Variants in FAM168A observed in about 807,000 individuals in gnomAD.
The protein encoded by FAM168A is family with sequence similarity 168 member A, also known as protein FAM168A.
FAM168A carries 3 observed loss-of-function variants against 28.5 expected under a neutral mutation model. That is an observed-to-expected ratio of 0.11 (90% CI 0.05 to 0.27). The LOEUF is 0.27. Ranked by LOEUF, FAM168A falls within the 10% of genes least tolerant of loss-of-function variation. The probability of loss-of-function intolerance (pLI) is 1.00; values close to 1 mark genes in which losing one functional copy is unlikely to be tolerated. For missense variants in FAM168A, 222 were observed against 311.5 expected, an observed-to-expected ratio of 0.71 and a Z score of 2.16; for synonymous variants, 122 against 124.2, an observed-to-expected ratio of 0.98 and a Z score of 0.12.
intron 1 of FAM168A, among the ~76,000 whole-genome samples, chr11:73,563,311 T>C (rs574980127): frequency 6.6e-6 from 1 of 152,342 alleles, no homozygotes; most frequent in East Asian, 1.9e-4. Flanking sequence ...AACTATCCTC[T>C]GAGGACAATA....
chr11:73,511,941 G>C (rs1855234898), intron 1 of FAM168A, among the ~76,000 whole-genome samples: 1 of 152,090 alleles, frequency 6.6e-6, no homozygotes, highest in African/African-American at 2.4e-5. Context: ...TATAAAGTAT[G>C]ATCTAGCTAT....
At chr11:73,417,623 A>T (rs1866718561) in intron 4 of FAM168A, among the ~76,000 whole-genome samples, 1 of 147,280 alleles carries the variant, frequency 6.8e-6, no homozygotes, top group African/African-American at 2.5e-5. Context: ...GCAATGGCGC[A>T]ATCTCGGCTC....
intron 2 of FAM168A, among the ~76,000 whole-genome samples, chr11:73,447,256 T>C (rs11235756): frequency 0.03 from 4,507 of 152,166 alleles, 221 homozygotes; most frequent in African/African-American, 0.1. Context: ...ATTTCCAGTT[T>C]TCTCAAATAT....
rs546068689 is a variant in FAM168A, at chr11:73,522,170, T to C, written c.-18-53678A>G. 1.2e-4 allele frequency among the ~76,000 whole-genome samples: 17 copies of C among 146,984 alleles called. No homozygotes were observed. In the South Asian group the frequency reaches 3.5e-3, roughly 31 times the overall value. On this transcript the variant is annotated intron_variant, in intron 1 of 7. Transcript: ENST00000356467. ...TTTTAAATTGAAGAGCATGGATCTATGTAATTCCTATAAAGGGGTATCTCT... is the reference window on the plus strand; with the variant it reads ...TTTTAAATTGAAGAGCATGGATCTACGTAATTCCTATAAAGGGGTATCTCT...
At chr11:73,580,910 T>C (rs1439465281) in intron 1 of FAM168A, among the ~76,000 whole-genome samples, 1 of 152,196 alleles carries the variant, frequency 6.6e-6, no homozygotes, top group Non-Finnish European at 1.5e-5. Context: ...AACCCAGACA[T>C]CTGTTGGGAC....
At chr11:73,531,590 A>G (rs973545046) in intron 1 of FAM168A, among the ~76,000 whole-genome samples, 2 of 152,176 alleles carry the variant, frequency 1.3e-5, no homozygotes, top group Non-Finnish European at 2.9e-5. Flanking sequence ...AGTAACAGGA[A>G]GAGATCTTGA....
chr11:73,530,535 C>G (rs569502284), intron 1 of FAM168A, among the ~76,000 whole-genome samples: 2 of 152,278 alleles, frequency 1.3e-5, no homozygotes, highest in African/African-American at 4.8e-5. Flanking sequence ...CAGCATACTG[C>G]CACAGCAGCC....
rs1352301201 is a variant in FAM168A at position 73,406,629 on chromosome 11, A to T, written c.*134T>A. ...AAAATCAAAACCATTAAAGATGCAT[A>T]AAGTGACCCTTGCACTTCCGTTGTC... On this transcript the variant is annotated 3_prime_UTR_variant, in exon 8 of 8. Coordinates refer to ENST00000356467, the MANE Select transcript of FAM168A (RefSeq NM_015159.3). 6.5e-6 allele frequency: 1 copy of T among 152,678 alleles called. No homozygotes were observed. The highest frequency in any genetic ancestry group is 2.4e-5 in the African/African-American group (1 of 41,448). The allele number at this position is 152,678 out of a possible 1,614,324, so 9.5% of individuals were successfully genotyped here. A position where few individuals can be genotyped will look rare whatever the true frequency, so the allele number is the denominator to read the frequency against.
intron 1 of FAM168A, among the ~76,000 whole-genome samples, chr11:73,496,839 C>T (rs1006266356): frequency 3.3e-5 from 5 of 150,730 alleles, no homozygotes; most frequent in Non-Finnish European, 7.4e-5. Flanking sequence ...GGATTACAGG[C>T]GTGAGCCACT....
intron 1 of FAM168A, among the ~76,000 whole-genome samples, chr11:73,528,719 C>G (rs952425844): frequency 6.6e-6 from 1 of 152,166 alleles, no homozygotes; most frequent in African/African-American, 2.4e-5. Flanking sequence ...AACACTCTGA[C>G]CCTGCAAGTA....
At chr11:73,552,100 G>T (rs1240399659) in intron 1 of FAM168A, among the ~76,000 whole-genome samples, 1 of 152,146 alleles carries the variant, frequency 6.6e-6, no homozygotes, top group Non-Finnish European at 1.5e-5. Flanking sequence ...CCTTAGCCTG[G>T]AGAGTTTTAC....
Position 73,401,308 on chromosome 11 carries a change from G to C in FAM168A, c.*5455C>G, listed in dbSNP as rs1401642803. 1 of 152,132 alleles carries C rather than the reference G, an allele frequency of 6.6e-6. No homozygotes were observed. The highest frequency in any genetic ancestry group is 1.5e-5 in the Non-Finnish European group (1 of 68,026). The allele number at this position is 152,132 out of a possible 1,614,324, so 9.4% of individuals were successfully genotyped here. A position where few individuals can be genotyped will look rare whatever the true frequency, so the allele number is the denominator to read the frequency against. The stretch of plus-strand genomic sequence containing the variant: ...AGCAGATGCCTTTAAGTCAGGATGG[G>C]GACAGGCCCTTGGGCCTTTCAAGAT... On this transcript the variant is annotated 3_prime_UTR_variant, in exon 8 of 8. Coordinates refer to ENST00000356467, the MANE Select transcript of FAM168A (RefSeq NM_015159.3).
intron 1 of FAM168A, among the ~76,000 whole-genome samples, chr11:73,579,738 TCCTTTA>T (rs1272927267): frequency 6.6e-6 from 1 of 152,254 alleles, no homozygotes; most frequent in African/African-American, 2.4e-5. Context: ...ATTATTTTTC[TCCTTTA>T]CTGATGGAGA....
chr11:73,592,900 A>G (rs1944398977), intron 1 of FAM168A, among the ~76,000 whole-genome samples: 1 of 151,942 alleles, frequency 6.6e-6, no homozygotes, highest in African/African-American at 2.4e-5. Context: ...TTACTGGGTA[A>G]TAGGACTAAA....
intron 2 of FAM168A, among the ~76,000 whole-genome samples, chr11:73,434,950 C>T (rs187698176): frequency 1.8e-4 from 28 of 152,312 alleles, no homozygotes; most frequent in African/African-American, 6.0e-4. Context: ...GAAAGACCAT[C>T]AATTTGTACT....
intron 1 of FAM168A, among the ~76,000 whole-genome samples, chr11:73,562,183 C>T (rs563378937): frequency 1.5e-4 from 23 of 152,310 alleles, no homozygotes; most frequent in African/African-American, 4.8e-4. Flanking sequence ...CTTCGTGATC[C>T]GCCTGCCCTG....
At chr11:73,488,302 T>C (rs1046017680) in intron 1 of FAM168A, among the ~76,000 whole-genome samples, 1 of 152,014 alleles carries the variant, frequency 6.6e-6, no homozygotes, top group Non-Finnish European at 1.5e-5. Context: ...GGCTAATGTT[T>C]GTATTTTTAG....
intron 1 of FAM168A, among the ~76,000 whole-genome samples, chr11:73,485,991 T>A (rs1278315121): frequency 6.6e-6 from 1 of 152,210 alleles, no homozygotes; most frequent in Admixed American, 6.5e-5. Flanking sequence ...GAGGACTACA[T>A]GTGTATCTCT....
At chr11:73,538,909 A>G (rs1943617531) in intron 1 of FAM168A, among the ~76,000 whole-genome samples, 1 of 152,216 alleles carries the variant, frequency 6.6e-6, no homozygotes, top group African/African-American at 2.4e-5. Context: ...TGTTTGTAGC[A>G]ACTATGTTTG....
Sources: gnomAD v4.1 joint callset for allele counts (sites outside exome capture counted in the v4.1 genomes callset) on GRCh38, gnomAD v4.1.1 for gene constraint, MANE v1.5 for transcripts, NCBI Gene and HGNC (gene_info 2026-07-23, HGNC 2026-07-21) for gene names.